MYLK: variants seen among roughly 807,000 people sequenced by gnomAD.
MYLK encodes the protein myosin light chain kinase, also known as myosin light chain kinase, smooth muscle.
A neutral mutation model predicts 203.4 loss-of-function variants in MYLK; 106 were observed. That is an observed-to-expected ratio of 0.52 (90% confidence interval 0.45 to 0.61). The LOEUF (loss-of-function observed/expected upper bound fraction) is 0.61, where lower values mean the gene tolerates loss of function less well. Among genes scored for constraint, MYLK ranks in the 20% least tolerant of loss-of-function variants. MYLK has a pLI of 0.00. For missense variants in MYLK, 2,072 were observed against 2,442.3 expected, an observed-to-expected ratio of 0.85 and a Z score of 3.20; for synonymous variants, 867 against 959.5, an observed-to-expected ratio of 0.90 and a Z score of 1.78.
intron 2 of MYLK, among the ~76,000 whole-genome samples, chr3:123,844,582 T>TG (rs11413575): frequency 0.84 from 127,976 of 152,042 alleles, 54,082 homozygotes; most frequent in East Asian, 0.96. Flanking sequence ...TTAACTCATC[T>TG]TAAGACAGGA....
At chr3:123,615,246 T>G (rs776723610) in intron 33 of MYLK, among the ~76,000 whole-genome samples, 11 of 151,892 alleles carry the variant, frequency 7.2e-5, no homozygotes, top group Non-Finnish European at 1.5e-4. Flanking sequence ...AAAATAAAAA[T>G]TAAAAATAGA....
chr3:123,831,758 T>C (rs1335252485), intron 2 of MYLK, 88 bp from the exon 3 acceptor site: 1 of 202,720 alleles, frequency 4.9e-6, no homozygotes, highest in South Asian at 8.1e-5. Context: ...AGTACATCAC[T>C]CTGGGACAGG....
At chr3:123,736,162 G>A (rs1305685815) in intron 8 of MYLK, among the ~76,000 whole-genome samples, 1 of 152,176 alleles carries the variant, frequency 6.6e-6, no homozygotes, top group African/African-American at 2.4e-5. Flanking sequence ...TTGTTTTAGT[G>A]ATGTCAAGTG....
intron 20 of MYLK, among the ~76,000 whole-genome samples, chr3:123,673,571 C>G (rs2059985243): frequency 6.6e-6 from 1 of 152,134 alleles, no homozygotes; most frequent in South Asian, 2.1e-4. Flanking sequence ...TGAGAGCTCT[C>G]ATGTGGCACC....
At chr3:123,651,991 A>T (rs2059230299) in intron 24 of MYLK, among the ~76,000 whole-genome samples, 1 of 152,240 alleles carries the variant, frequency 6.6e-6, no homozygotes, top group South Asian at 2.1e-4. Flanking sequence ...AAGTGCCTGT[A>T]GTCCCAGCTA....
intron 19 of MYLK, among the ~76,000 whole-genome samples, chr3:123,683,308 G>A (rs1183363310): frequency 1.4e-5 from 2 of 146,188 alleles, no homozygotes; most frequent in East Asian, 2.2e-4. Flanking sequence ...TGGGTGGGGG[G>A]ACTTTCCAGC....
At chr3:123,680,384 T>C (rs2060222162) in intron 20 of MYLK, among the ~76,000 whole-genome samples, 1 of 152,204 alleles carries the variant, frequency 6.6e-6, no homozygotes, top group Non-Finnish European at 1.5e-5. Context: ...AGCCATGCCA[T>C]AGCCCCAATT....
At chr3:123,654,964 C>G (rs150496803) in intron 24 of MYLK, among the ~76,000 whole-genome samples, 1 of 152,106 alleles carries the variant, frequency 6.6e-6, no homozygotes, top group East Asian at 1.9e-4. Flanking sequence ...GCGATCCACC[C>G]GCTTCAGCCT....
chr3:123,853,311 A>C (rs1189417461), intron 2 of MYLK, among the ~76,000 whole-genome samples: 2 of 152,158 alleles, frequency 1.3e-5, no homozygotes, highest in Non-Finnish European at 2.9e-5. Flanking sequence ...AAAGAAAGAC[A>C]GATGAGAGAG....
intron 27 of MYLK, among the ~76,000 whole-genome samples, chr3:123,643,988 A>G (rs1192499672): frequency 6.6e-6 from 1 of 152,268 alleles, no homozygotes; most frequent in Non-Finnish European, 1.5e-5. Context: ...AAGCCCAAGT[A>G]GGCCAGGGGC....
At chr3:123,634,814 G>T (rs1245928544) in intron 29 of MYLK, among the ~76,000 whole-genome samples, 1 of 152,208 alleles carries the variant, frequency 6.6e-6, no homozygotes, top group African/African-American at 2.4e-5. Flanking sequence ...CTTAAACGGA[G>T]GTGGACTTAG....
intron 24 of MYLK, among the ~76,000 whole-genome samples, chr3:123,654,519 T>C (rs2059329751): frequency 6.6e-6 from 1 of 152,100 alleles, no homozygotes; most frequent in Non-Finnish European, 1.5e-5. Flanking sequence ...AGAAGTCAAA[T>C]ACATTCTCAC....
In MYLK at chr3:123,616,892, C is replaced by T. The variant is rs944576153; in HGVS notation, c.5500+1747G>A. 6 of 152,174 alleles carry T rather than the reference C, an allele frequency of 3.9e-5. No individual in the cohort carries two copies. The East Asian group carries it at 9.6e-4, about 24-fold the overall frequency. The allele number at this position is 152,174 out of a possible 1,614,324, so 9.4% of individuals were successfully genotyped here. A position where few individuals can be genotyped will look rare whatever the true frequency, so the allele number is the denominator to read the frequency against. On this transcript the variant is annotated intron_variant, in intron 33 of 33. Transcript: ENST00000360304. ...TTCTTTTCTTTATAAATTTTCCAGC[C>T]TCAGGTATTCCTTTATAGCAATGCA... is the stretch of plus-strand genomic sequence containing the variant.
intron 4 of MYLK, among the ~76,000 whole-genome samples, chr3:123,788,071 C>T (rs1175294476): frequency 1.3e-5 from 2 of 151,954 alleles, no homozygotes; most frequent in African/African-American, 2.4e-5. Context: ...AAGGTTCCAG[C>T]GTATAAAGCA....
At chr3:123,727,409 G>A (rs1196174124) in intron 11 of MYLK, among the ~76,000 whole-genome samples, 2 of 152,198 alleles carry the variant, frequency 1.3e-5, no homozygotes, top group Non-Finnish European at 2.9e-5. Context: ...GTCAGTTTGG[G>A]TTAGAAATAT....
chr3:123,872,846 T>A (rs1321241148), intron 2 of MYLK, among the ~76,000 whole-genome samples: 1 of 152,156 alleles, frequency 6.6e-6, no homozygotes, highest in Non-Finnish European at 1.5e-5. Flanking sequence ...TGGCCATTAA[T>A]GATTTACTCA....
intron 29 of MYLK, among the ~76,000 whole-genome samples, chr3:123,633,932 C>T (rs987651169): frequency 2.0e-5 from 3 of 152,182 alleles, no homozygotes; most frequent in African/African-American, 4.8e-5. Context: ...ATCCTCCCAT[C>T]ATAGCCTCCT....
chr3:123,639,859 T>C (rs1044331834), intron 28 of MYLK, among the ~76,000 whole-genome samples: 4 of 152,194 alleles, frequency 2.6e-5, no homozygotes, highest in Non-Finnish European at 4.4e-5. Context: ...TTATTTTTTA[T>C]GTGAAAGTGC....
At chr3:123,847,405 T>C (rs1266479524) in intron 2 of MYLK, among the ~76,000 whole-genome samples, 1 of 152,162 alleles carries the variant, frequency 6.6e-6, no homozygotes, top group Non-Finnish European at 1.5e-5. Context: ...ATTCACATTT[T>C]TCTTGTCCTA....
Sources: allele counts gnomAD v4.1 joint callset (sites outside exome capture counted in the v4.1 genomes callset), GRCh38; gene constraint gnomAD v4.1.1; transcripts MANE v1.5; gene names NCBI Gene and HGNC (gene_info 2026-07-23, HGNC 2026-07-21).